DNAI2: variants seen among roughly 807,000 people sequenced by gnomAD.
DNAI2 encodes dynein, axonemal, intermediate polypeptide 2.
Under a neutral mutation model 74.7 loss-of-function variants are expected in DNAI2, and 63 were observed. The observed-to-expected ratio is 0.84, with a 90% CI of 0.69 to 1.04. The LOEUF (loss-of-function observed/expected upper bound fraction) is 1.04. Among genes scored for constraint, DNAI2 ranks in the 50% least tolerant of loss-of-function variants. The pLI is 0.00. For synonymous variants in DNAI2, 289 were observed against 314.9 expected (o/e 0.92, Z 0.87); for missense variants, 688 against 803.2 (o/e 0.86, Z 1.73).
At chr17:74,314,527 G>A (rs936411564) in intron 13 of DNAI2, 62 bp from the exon 14 acceptor site, 1 of 377,768 alleles carries the variant, frequency 2.6e-6, no homozygotes, top group Non-Finnish European at 5.1e-6. Flanking sequence ...AGTCCTGGAT[G>A]TCTCCTGGGA....
intron 9 of DNAI2, among the ~76,000 whole-genome samples, chr17:74,306,059 G>C (rs1162056356): frequency 6.6e-6 from 1 of 152,206 alleles, no homozygotes; most frequent in Non-Finnish European, 1.5e-5. Flanking sequence ...AGGGAACTGG[G>C]CTACAGAAAG....
In DNAI2 at chr17:74,289,651, C is replaced by CAT; in HGVS notation, c.526_527insTA (p.Arg176IlefsTer20). ...ACCTCTCCTGGCACCCCGATGGCAA[C>CAT]AGGAAGTTGGCAGTGGCATACTCCT... On this transcript the variant is annotated frameshift_variant, in exon 5 of 14. Coordinates refer to ENST00000311014, the MANE Select transcript of DNAI2 (RefSeq NM_023036.6). LOFTEE classifies it high-confidence loss of function. 1 of 1,614,146 alleles carries CAT rather than the reference C, an allele frequency of 6.2e-7. No individual in the cohort carries two copies. The highest frequency in any genetic ancestry group is 8.5e-7 in the Non-Finnish European group (1 of 1,180,038).
rs145716654 is a variant in DNAI2 at position 74,310,026 on chromosome 17, G to A, written c.1357G>A (p.Glu453Lys). ...DPTLSLKVCD[E>K]ALFCLRVQDN... The stretch of plus-strand genomic sequence containing the variant: ...CCGGCCCCTTCAATAGGTGTGTGAC[G>A]AGGCCCTCTTCTGCCTCCGGGTGCA... Residue 453 changes from glutamate to lysine, a missense_variant, in exon 11 of 14, where the codon GAG becomes AAG. Transcript: ENST00000311014. 4.3e-6 allele frequency: 7 copies of A among 1,613,848 alleles called. No individual in the cohort carries two copies. The highest frequency in any genetic ancestry group is 2.2e-5 in the East Asian group (1 of 44,882).
intron 8 of DNAI2, 124 bp from the exon 9 acceptor site, chr17:74,305,095 C>A: frequency 1.0e-6 from 1 of 985,898 alleles, no homozygotes; most frequent in Non-Finnish European, 1.6e-6. Flanking sequence ...CAGCCCTTGC[C>A]AAGGCTTGAT....
At chr17:74,279,532 G>A (rs954012704) in intron 1 of DNAI2, among the ~76,000 whole-genome samples, 5 of 151,954 alleles carry the variant, frequency 3.3e-5, no homozygotes, top group Non-Finnish European at 5.9e-5. Flanking sequence ...ACCTGCTCAC[G>A]TAATCCTGTT....
chr17:74,274,554 A>G (rs2050947793), intron 1 of DNAI2, among the ~76,000 whole-genome samples: 1 of 152,014 alleles, frequency 6.6e-6, no homozygotes, highest in Non-Finnish European at 1.5e-5. Flanking sequence ...GATCCGCCCC[A>G]AGTCGCAGGA....
In DNAI2 at chr17:74,301,028, C is replaced by T. The variant is rs117075898; in HGVS notation, c.865-18C>T. The T allele has an allele frequency of 1.6e-3, 2,633 of 1,613,392 alleles. 19 individuals are homozygous for T. The East Asian group carries it at 0.017, about 11-fold the overall frequency. ...ATACAGGGCCTCGAAGTCTCACTGT[C>T]GCCCCTCCTCCCACCAGGTCATGTG... On this transcript the variant is annotated intron_variant, in intron 7 of 13. Transcript: ENST00000311014.
At chr17:74,305,705 C>T (rs2144079974) in intron 9 of DNAI2, among the ~76,000 whole-genome samples, 1 of 134,164 alleles carries the variant, frequency 7.5e-6, no homozygotes, top group South Asian at 2.3e-4. Context: ...GACAGTCTCG[C>T]TTAGTTCCCC....
rs772133192 is a variant in DNAI2, at chr17:74,287,052, G to T, written c.421G>T (p.Glu141Ter). 3 of 1,613,938 alleles carry T rather than the reference G, an allele frequency of 1.9e-6. No individual in the cohort carries two copies. Among genetic ancestry groups the T allele is most frequent in the Admixed American group, 3.3e-5 (2 of 59,998 alleles). Residue 141 changes from glutamate to a stop codon, truncating the protein, a stop_gained, in exon 4 of 14, where the codon GAA becomes TAA. Coordinates refer to ENST00000311014, the MANE Select transcript of DNAI2 (RefSeq NM_023036.6). LOFTEE classifies it high-confidence loss of function. ...GTATTTCAATGACGAGGAGGCCATGGAAGTGATGGAGGAGGACCCTTCAGC... is the reference window on the plus strand; with the variant it reads ...GTATTTCAATGACGAGGAGGCCATGTAAGTGATGGAGGAGGACCCTTCAGC... ...EEYFNDEEAM[E>*]VMEEDPSAKT...
rs2051035644 is a variant in DNAI2 at position 74,275,775 on chromosome 17, A to AT, written c.-12+1430_-12+1431insT. ...TGTGGTGGCATGCACCAGTAGTCTC[A>AT]GCTACTCAGGAGACTGAGGCACAAG... On this transcript the variant is annotated intron_variant, in intron 1 of 13. Transcript: ENST00000311014. Among the ~76,000 whole-genome samples, 3 of 152,014 alleles carry AT rather than the reference A, an allele frequency of 2.0e-5. No individual in the cohort carries two copies. In the South Asian group the frequency reaches 6.2e-4, roughly 32 times the overall value.
At chr17:74,290,948 A>G in intron 5 of DNAI2, 72 bp from the exon 6 acceptor site, 1 of 1,346,850 alleles carries the variant, frequency 7.4e-7, no homozygotes, top group East Asian at 2.3e-5. Flanking sequence ...CCACCCGCAG[A>G]AGGGGTGAAA....
chr17:74,308,133 T>G (rs2053295052), intron 9 of DNAI2, among the ~76,000 whole-genome samples: 1 of 152,084 alleles, frequency 6.6e-6, no homozygotes, highest in Non-Finnish European at 1.5e-5. Context: ...TTTCTCCCAC[T>G]GTGGTCTGGC....
intron 3 of DNAI2, among the ~76,000 whole-genome samples, chr17:74,286,599 AT>A (rs2051756159): frequency 6.6e-6 from 1 of 151,638 alleles, no homozygotes; most frequent in South Asian, 2.1e-4. Flanking sequence ...TTTCTTTTGT[AT>A]TTTTGGTAGA....
rs117547977 is a variant in DNAI2, at chr17:74,308,353, G to A, written c.1212-900G>A. Among the ~76,000 whole-genome samples the A allele has an allele frequency of 5.1e-4, 77 of 152,296 alleles. No individual in the cohort carries two copies. The East Asian group carries it at 0.014, about 28-fold the overall frequency. ...ACCCAGATGAAACCAAGTAGGAAGT[G>A]ACACTCTCCTTATCTCAGCGGTAGC... On this transcript the variant is annotated intron_variant, in intron 9 of 13. Coordinates refer to ENST00000311014, the MANE Select transcript of DNAI2 (RefSeq NM_023036.6).
rs182131161 is a variant in DNAI2 at position 74,281,012 on chromosome 17, C to T, written c.-11-795C>T. Among the ~76,000 whole-genome samples, 13 of 130,946 alleles carry T rather than the reference C, an allele frequency of 9.9e-5. No homozygotes were observed. In the East Asian group the frequency reaches 1.5e-3, roughly 15 times the overall value. The allele number at this position is 130,946 out of a possible 152,430, so 85.9% of individuals were successfully genotyped here. A position where few individuals can be genotyped will look rare whatever the true frequency, so the allele number is the denominator to read the frequency against. On this transcript the variant is annotated intron_variant, in intron 1 of 13. Transcript: ENST00000311014. ...CTGAGGTGGGAGGATCACTTGAGCCCGGGGGTTGAGGCTGCAGTGAGCTGT... is the reference window on the plus strand; with the variant it reads ...CTGAGGTGGGAGGATCACTTGAGCCTGGGGGTTGAGGCTGCAGTGAGCTGT...
At position 74,291,010 on chromosome 17, in the gene DNAI2, T is replaced by G; in HGVS notation, c.611-10T>G. The G allele has an allele frequency of 6.2e-7, 1 of 1,613,074 alleles. No individual in the cohort carries two copies. Among genetic ancestry groups the G allele is most frequent in the Non-Finnish European group, 8.5e-7 (1 of 1,179,078 alleles). ...GGGCCTGGTGGGGATAATTTTTTTG[T>G]GCTTTATAGAAAACCCCAACAAGCC... is the stretch of plus-strand genomic sequence containing the variant. On this transcript the variant is annotated splice_polypyrimidine_tract_variant and intron_variant, in intron 5 of 13. Transcript: ENST00000311014.
intron 8 of DNAI2, among the ~76,000 whole-genome samples, chr17:74,301,432 T>C (rs2052755181): frequency 6.6e-6 from 1 of 152,130 alleles, no homozygotes. Flanking sequence ...CAGAGGGCAA[T>C]CTTTTGACAG....
Position 74,289,653 on chromosome 17 carries a change from G to GT in DNAI2, c.527_528insT (p.Arg176SerfsTer35). ...CTCTCCTGGCACCCCGATGGCAACA[G>GT]GAAGTTGGCAGTGGCATACTCCTGC... On this transcript the variant is annotated frameshift_variant, in exon 5 of 14. Coordinates refer to ENST00000311014, the MANE Select transcript of DNAI2 (RefSeq NM_023036.6). LOFTEE classifies it high-confidence loss of function. 6.2e-7 allele frequency: 1 copy of GT among 1,614,148 alleles called. No homozygotes were observed. Among genetic ancestry groups the GT allele is most frequent in the Non-Finnish European group, 8.5e-7 (1 of 1,180,044 alleles).
intron 6 of DNAI2, among the ~76,000 whole-genome samples, chr17:74,296,782 T>TGGC (rs1459400339): frequency 3.3e-5 from 5 of 152,192 alleles, no homozygotes; most frequent in Non-Finnish European, 5.9e-5. Flanking sequence ...CTCCCTCTTG[T>TGGC]GGCGCCAGGC....
Sources: allele counts gnomAD v4.1 joint callset (sites outside exome capture counted in the v4.1 genomes callset), GRCh38; gene constraint gnomAD v4.1.1; transcripts MANE v1.5; gene names NCBI Gene and HGNC (gene_info 2026-07-23, HGNC 2026-07-21).